The following AP5Z1 variants were observed in gnomAD, a reference collection of about 807,000 sequenced individuals.
AP5Z1 encodes the protein adaptor related protein complex 5 subunit zeta 1, also known as AP-5 complex subunit zeta-1.
Under a neutral mutation model 83.0 loss-of-function variants are expected in AP5Z1, and 106 were observed. The observed-to-expected ratio is 1.28, with a 90% confidence interval of 1.09 to 1.50. The LOEUF is 1.50. Ranked by LOEUF, AP5Z1 falls within the 40% of genes most tolerant of loss-of-function variation. AP5Z1 has a pLI of 0.00. For synonymous variants in AP5Z1, 751 were observed against 514.1 expected (o/e 1.46, Z -6.23); for missense variants, 1,565 against 1,094.2 (o/e 1.43, Z -6.07).
Position 4,790,559 on chromosome 7 carries a change from C to T in AP5Z1, c.1906C>T (p.Leu636Phe). ...GGAGTTCCTGGGCAGCGTGAATGGT[C>T]TCTGCAGCAGGGCGAGCCTCGTCAC... ...LLEFLGSVNG[L>F]CSRASLVTSV... Residue 636 changes from leucine to phenylalanine, a missense_variant, in exon 15 of 17, where the codon CTC (leucine) becomes TTC (phenylalanine). Transcript: ENST00000649063. 2.5e-6 allele frequency: 4 copies of T among 1,613,100 alleles called. No homozygotes were observed. The highest frequency in any genetic ancestry group is 3.4e-6 in the Non-Finnish European group (4 of 1,179,874).
intron 4 of AP5Z1, 86 bp downstream of exon 4, chr7:4,783,546 G>T: frequency 6.4e-7 from 1 of 1,560,794 alleles, no homozygotes; most frequent in Non-Finnish European, 8.7e-7. Flanking sequence ...GGGAGTGTGG[G>T]GGGCAGGTGG....
Position 4,781,234 on chromosome 7 carries a change from C to T in AP5Z1, c.101C>T (p.Ala34Val), listed in dbSNP as rs1298518828. The change falls in exon 2 of 17, where the codon GCG becomes GTG. Residue 34 changes from alanine (A) to valine (V), a missense_variant. Coordinates refer to ENST00000649063, the MANE Select transcript of AP5Z1 (RefSeq NM_014855.3). Reference sequence around the variant, plus strand: ...TCCCGGATCTGTAAACTGCTGCAGGCGGAGGACTTGGGGCCGGACACCCTC... The same window carrying T: ...TCCCGGATCTGTAAACTGCTGCAGGTGGAGGACTTGGGGCCGGACACCCTC... ...FCSRICKLLQ[A>V]EDLGPDTLDS... The T allele has an allele frequency of 9.3e-6, 15 of 1,613,634 alleles. No individual in the cohort carries two copies. The highest frequency in any genetic ancestry group is 6.7e-5 in the Admixed American group (4 of 60,012).
Position 4,784,798 on chromosome 7 carries a change from C to T in AP5Z1, c.791-110C>T, listed in dbSNP as rs73305374. 10,089 of 1,407,104 alleles carry T rather than the reference C, an allele frequency of 7.2e-3. 616 individuals are homozygous for T. The African/African-American group carries it at 0.13, about 18-fold the overall frequency. The allele number at this position is 1,407,104 out of a possible 1,614,324, so 87.2% of individuals were successfully genotyped here. A position where few individuals can be genotyped will look rare whatever the true frequency, so the allele number is the denominator to read the frequency against. ...TGAGACGGTGACGCCTCACGCCTCC[C>T]GGGAGGGGCTGCGGCCTGTGCTCTC... On this transcript the variant is annotated intron_variant, in intron 6 of 16. Coordinates refer to ENST00000649063, the MANE Select transcript of AP5Z1 (RefSeq NM_014855.3).
At chr7:4,788,390 A>G (rs892410445) in intron 12 of AP5Z1, 96 bp downstream of exon 12, 1 of 1,399,096 alleles carries the variant, frequency 7.1e-7, no homozygotes, top group Non-Finnish European at 9.5e-7. Context: ...GGCTGAGGCC[A>G]GGGTGCTTTG....
In AP5Z1 at chr7:4,791,511, G is replaced by A; in HGVS notation, c.*126G>A. On this transcript the variant is annotated 3_prime_UTR_variant, in exon 17 of 17. Transcript: ENST00000649063. ...GGGAGAGGAGGCAAGGCCCACGGTG[G>A]GCTTGGCACCCTCACAGACACGCGG... 2 of 1,379,096 alleles carry A rather than the reference G, an allele frequency of 1.5e-6. No individual in the cohort carries two copies. The highest frequency in any genetic ancestry group is 1.9e-6 in the Non-Finnish European group (2 of 1,031,262). 85.4% of individuals were successfully genotyped at this position (1,379,096 alleles called of 1,614,324 possible).
Position 4,788,044 on chromosome 7 carries a change from C to T in AP5Z1, c.1455-110C>T, listed in dbSNP as rs932145791. 16 of 1,419,318 alleles carry T rather than the reference C, an allele frequency of 1.1e-5. No individual in the cohort carries two copies. The African/African-American group carries it at 1.4e-4, about 13-fold the overall frequency. The allele number at this position is 1,419,318 out of a possible 1,614,324, so 87.9% of individuals were successfully genotyped here. On this transcript the variant is annotated intron_variant, in intron 11 of 16. Coordinates refer to ENST00000649063, the MANE Select transcript of AP5Z1 (RefSeq NM_014855.3). Reference sequence around the variant, plus strand: ...GCCTCCCATGCCAAGCCCTTCCTGGCACCCGAGGTGCTGTGATATTAGGGA... The same window carrying T: ...GCCTCCCATGCCAAGCCCTTCCTGGTACCCGAGGTGCTGTGATATTAGGGA...
chr7:4,776,236 C>T (rs767682877), intron 1 of AP5Z1, among the ~76,000 whole-genome samples: 18 of 152,176 alleles, frequency 1.2e-4, no homozygotes, highest in African/African-American at 3.4e-4. Flanking sequence ...CTCTCTTGCG[C>T]GGATGTATTA....
intron 1 of AP5Z1, among the ~76,000 whole-genome samples, chr7:4,778,851 G>A (rs1482400537): frequency 7.1e-6 from 1 of 140,630 alleles, no homozygotes; most frequent in African/African-American, 2.6e-5. Flanking sequence ...AATATATAAT[G>A]ATATATAATA....
Position 4,789,393 on chromosome 7 carries a change from C to T in AP5Z1, c.1708-439C>T, listed in dbSNP as rs568863151. Reference sequence around the variant, plus strand: ...CCTGCTGCCCCTGATAATTCAGCATCCCCATCTGAGGCCAAAATAAAGGCT... The same window carrying T: ...CCTGCTGCCCCTGATAATTCAGCATTCCCATCTGAGGCCAAAATAAAGGCT... On this transcript the variant is annotated intron_variant, in intron 13 of 16. Transcript: ENST00000649063. 2.0e-5 allele frequency among the ~76,000 whole-genome samples: 3 copies of T among 152,200 alleles called. No individual in the cohort carries two copies. In the East Asian group the frequency reaches 5.8e-4, roughly 30 times the overall value.
At chr7:4,789,771 C>G in intron 13 of AP5Z1, 61 bp from the exon 14 acceptor site, 1 of 1,412,778 alleles carries the variant, frequency 7.1e-7, no homozygotes. Flanking sequence ...TGGCTTCACC[C>G]CCAACCTTAG....
chr7:4,780,130 C>G (rs1393795694), intron 1 of AP5Z1, among the ~76,000 whole-genome samples: 1 of 152,132 alleles, frequency 6.6e-6, no homozygotes, highest in East Asian at 1.9e-4. Flanking sequence ...GGCACAGCAA[C>G]CCCTTTGCGC....
At chr7:4,775,905 C>G in intron 1 of AP5Z1, 149 bp downstream of exon 1, 1 of 1,204,124 alleles carries the variant, frequency 8.3e-7, no homozygotes, top group Non-Finnish European at 1.2e-6. Flanking sequence ...GGTAAGGCAA[C>G]ACGGCGGCCA....
At chr7:4,779,776 G>T (rs986283322) in intron 1 of AP5Z1, among the ~76,000 whole-genome samples, 2 of 151,888 alleles carry the variant, frequency 1.3e-5, no homozygotes, top group African/African-American at 2.4e-5. Flanking sequence ...GAGTAGCTGG[G>T]ATTACAGGCT....
Position 4,790,682 on chromosome 7 carries a change from A to T in AP5Z1, c.1948A>T (p.Ile650Phe). The change falls in exon 16 of 17, where the codon ATC becomes TTC. Residue 650 changes from isoleucine (I) to phenylalanine (F), a missense_variant. By Grantham distance (21) the Ile-to-Phe change is conservative. Transcript: ENST00000649063. ...ASLVTSVVWA[I>F]GEYLSVTYDR... ...CTGTCCCCGGGCCTAGGTGTGGGCC[A>T]TCGGCGAGTACCTGTCGGTGACCTA... 1 of 1,612,046 alleles carries T rather than the reference A, an allele frequency of 6.2e-7. No homozygotes were observed. The highest frequency in any genetic ancestry group is 1.1e-5 in the South Asian group (1 of 90,992).
rs774738874 is a variant in AP5Z1, at chr7:4,781,291, C to A, written c.158C>A (p.Ser53Ter). The change falls in exon 2 of 17, where the codon TCA becomes TAA. Residue 53 changes from serine (S) to a stop codon, truncating the protein, a stop_gained. Coordinates refer to ENST00000649063, the MANE Select transcript of AP5Z1 (RefSeq NM_014855.3). LOFTEE classifies it high-confidence loss of function. ...DSLQRLFLII[S>*]ATKYSRRLEK... ...CTGCAGAGGCTCTTCCTCATCATCT[C>A]AGCCACGAAGTACAGCCGGAGGTGA... 7 of 1,613,556 alleles carry A rather than the reference C, an allele frequency of 4.3e-6. No individual in the cohort carries two copies. The African/African-American group carries it at 8.0e-5, about 18-fold the overall frequency.
chr7:4,789,292 G>A (rs1359639085), intron 13 of AP5Z1, among the ~76,000 whole-genome samples: 1 of 152,136 alleles, frequency 6.6e-6, no homozygotes, highest in Non-Finnish European at 1.5e-5. Context: ...AGCAGGCCCT[G>A]TCTTCCGTCC....
chr7:4,786,452 C>T (rs779765784), intron 10 of AP5Z1, 24 bp downstream of exon 10: 9 of 1,610,430 alleles, frequency 5.6e-6, no homozygotes, highest in African/African-American at 1.4e-5. Context: ...TCCCTGGGTG[C>T]CAGGGCAGGG....
rs1035120004 is a variant in AP5Z1 at position 4,785,040 on chromosome 7, G to C, written c.923G>C (p.Ser308Thr). 1 of 1,599,988 alleles carries C rather than the reference G, an allele frequency of 6.3e-7. No individual in the cohort carries two copies. The highest frequency in any genetic ancestry group is 2.2e-5 in the East Asian group (1 of 44,598). ...TACTGCCAGCGCCTCATTGAGCAAA[G>C]TAACCGACGTGAGTCCCCCACCCAG... Reference protein sequence around the residue: ...FEYCQRLIEQSNRRALRKGDS... With the variant: ...FEYCQRLIEQTNRRALRKGDS... Residue 308 changes from serine (S) to threonine (T), a missense_variant, in exon 7 of 17, where the codon AGT (serine) becomes ACT (threonine). Transcript: ENST00000649063.
chr7:4,783,447 C>G lies in AP5Z1; in HGVS notation c.498C>G (p.Gly166=). The G allele has an allele frequency of 6.2e-7, 1 of 1,612,588 alleles. No homozygotes were observed. The highest frequency in any genetic ancestry group is 8.5e-7 in the Non-Finnish European group (1 of 1,179,678). The change falls in exon 4 of 17, where the codon GGC becomes GGG. Residue 166 remains glycine, a synonymous_variant. Transcript: ENST00000649063. ...VMAKVVVLSP[G]TLQEDQATLL... ...CCAAGGTCGTGGTCCTCAGCCCGGG[C>G]ACCCTCCAGGAGGGTACGCGGGGCC...
Sources: allele counts gnomAD v4.1 joint callset (sites outside exome capture counted in the v4.1 genomes callset), GRCh38; gene constraint gnomAD v4.1.1; transcripts MANE v1.5; gene names NCBI Gene and HGNC (gene_info 2026-07-23, HGNC 2026-07-21).